Variants in TMTC2 observed in about 807,000 individuals in gnomAD.
TMTC2 encodes the protein transmembrane O-mannosyltransferase targeting cadherins 2.
Under a neutral mutation model 82.4 loss-of-function variants are expected in TMTC2, and 43 were observed. That is an observed-to-expected ratio of 0.52 (90% CI 0.41 to 0.67). The LOEUF (loss-of-function observed/expected upper bound fraction) is 0.67. Among genes scored for constraint, TMTC2 ranks in the 30% least tolerant of loss-of-function variants. TMTC2 has a pLI of 0.00. For missense variants in TMTC2, 919 were observed against 1,012.4 expected (o/e 0.91, Z 1.25); for synonymous variants, 408 against 381.9 (o/e 1.07, Z -0.80).
At chr12:82,716,425 G>A (rs939302370) in intron 1 of TMTC2, among the ~76,000 whole-genome samples, 4 of 150,014 alleles carry the variant, frequency 2.7e-5, no homozygotes, top group Admixed American at 1.3e-4. Flanking sequence ...GTGCAGTGGC[G>A]CGATCTCGAC....
At chr12:82,823,893 ATTTT>A (rs1225145231) in intron 1 of TMTC2, among the ~76,000 whole-genome samples, 2 of 136,310 alleles carry the variant, frequency 1.5e-5, no homozygotes, top group Admixed American at 1.5e-4. Flanking sequence ...CCATTATTCT[ATTTT>A]TTTTTTTTTT....
chr12:82,988,421 C>A (rs1879260021), intron 8 of TMTC2, among the ~76,000 whole-genome samples: 1 of 152,112 alleles, frequency 6.6e-6, no homozygotes, highest in Non-Finnish European at 1.5e-5. Flanking sequence ...AAATTGCAGC[C>A]AATGAATGGA....
chr12:82,881,725 C>T (rs2137156047), intron 2 of TMTC2, among the ~76,000 whole-genome samples: 1 of 152,284 alleles, frequency 6.6e-6, no homozygotes, highest in South Asian at 2.1e-4. Context: ...GAAAGTCACA[C>T]TTTTGATGAT....
Position 83,132,253 on chromosome 12 carries a change from A to G in TMTC2, c.2375A>G (p.Asn792Ser), listed in dbSNP as rs200371221. 3.4e-4 allele frequency: 544 copies of G among 1,613,610 alleles called. 1 individual carries two copies. The highest frequency in any genetic ancestry group is 4.4e-4 in the Non-Finnish European group (525 of 1,179,868). ...LMNLGAILHL[N>S]GRLQKAEANY... Reference sequence around the variant, plus strand: ...AACCTGGGAGCCATTCTGCACCTCAATGGCAGACTCCAGAAGGCCGAGGCC... The same window carrying G: ...AACCTGGGAGCCATTCTGCACCTCAGTGGCAGACTCCAGAAGGCCGAGGCC... The change falls in exon 12 of 12, where the codon AAT becomes AGT. Residue 792 changes from asparagine to serine, a missense_variant. Physicochemically the swap from Asn to Ser is conservative, Grantham distance 46. Coordinates refer to ENST00000321196, the MANE Select transcript of TMTC2 (RefSeq NM_152588.3).
At chr12:82,923,395 A>G (rs1565811783) in intron 3 of TMTC2, among the ~76,000 whole-genome samples, 2 of 152,044 alleles carry the variant, frequency 1.3e-5, no homozygotes, top group Admixed American at 1.3e-4. Flanking sequence ...AAGCACAGAC[A>G]CTTCTTTGTT....
At chr12:83,011,312 G>T (rs1261096779) in intron 8 of TMTC2, among the ~76,000 whole-genome samples, 2 of 152,078 alleles carry the variant, frequency 1.3e-5, no homozygotes, top group Non-Finnish European at 2.9e-5. Context: ...GTGATTTGGG[G>T]CAAGTTATTT....
intron 11 of TMTC2, among the ~76,000 whole-genome samples, chr12:83,086,558 A>T (rs1883665382): frequency 6.6e-6 from 1 of 152,148 alleles, no homozygotes; most frequent in African/African-American, 2.4e-5. Flanking sequence ...GTGAGGTATT[A>T]ATTAACAGCA....
chr12:82,925,042 T>C (rs1414749774), intron 3 of TMTC2, among the ~76,000 whole-genome samples: 1 of 152,170 alleles, frequency 6.6e-6, no homozygotes, highest in Non-Finnish European at 1.5e-5. Flanking sequence ...ATTTTTGCCT[T>C]AGATCCTTTG....
At chr12:82,824,745 A>AG (rs141899211) in intron 1 of TMTC2, among the ~76,000 whole-genome samples, 2,217 of 152,214 alleles carry the variant, frequency 0.015, 64 homozygotes, top group African/African-American at 0.051. Flanking sequence ...TAGTTAAGTA[A>AG]GGGGGAGGCT....
At chr12:83,034,635 G>A (rs1881589261) in intron 9 of TMTC2, among the ~76,000 whole-genome samples, 1 of 152,192 alleles carries the variant, frequency 6.6e-6, no homozygotes, top group South Asian at 2.1e-4. Context: ...GTAGTTGTGG[G>A]AATGTAAATA....
chr12:83,116,459 G>A (rs1015017563), intron 11 of TMTC2, among the ~76,000 whole-genome samples: 1 of 152,174 alleles, frequency 6.6e-6, no homozygotes. Flanking sequence ...ACCCACTAGT[G>A]GGATTGCTGG....
At chr12:82,747,832 G>T (rs1875769281) in intron 1 of TMTC2, among the ~76,000 whole-genome samples, 1 of 152,156 alleles carries the variant, frequency 6.6e-6, no homozygotes, top group Admixed American at 6.5e-5. Flanking sequence ...CCAGTAGCTT[G>T]TAGATAGTTC....
At chr12:83,033,830 GTGTA>G (rs1881549282) in intron 9 of TMTC2, among the ~76,000 whole-genome samples, 3 of 146,652 alleles carry the variant, frequency 2.0e-5, no homozygotes, top group African/African-American at 7.7e-5. Flanking sequence ...GTGTGTGTGT[GTGTA>G]TATATATGTA....
intron 11 of TMTC2, among the ~76,000 whole-genome samples, chr12:83,083,954 CT>C (rs1883561325): frequency 6.6e-6 from 1 of 152,206 alleles, no homozygotes; most frequent in African/African-American, 2.4e-5. Flanking sequence ...ATAATGTCGA[CT>C]TTTAACTCTT....
chr12:83,116,554 G>A (rs1233079192), intron 11 of TMTC2, among the ~76,000 whole-genome samples: 1 of 152,170 alleles, frequency 6.6e-6, no homozygotes, highest in Non-Finnish European at 1.5e-5. Context: ...ATTGTCACCA[G>A]CAGTGTAGAA....
intron 9 of TMTC2, among the ~76,000 whole-genome samples, chr12:83,039,441 A>AATATATTATATATTTGACAAAT (rs1555207623): frequency 2.6e-5 from 4 of 151,884 alleles, no homozygotes; most frequent in African/African-American, 9.7e-5. Context: ...ATATTTGATG[A>AATATATTATATATTTGACAAAT]ATATATTATA....
intron 2 of TMTC2, among the ~76,000 whole-genome samples, chr12:82,887,011 TG>T (rs1439707173): frequency 6.6e-6 from 1 of 152,220 alleles, no homozygotes; most frequent in Non-Finnish European, 1.5e-5. Flanking sequence ...GCTAGATTTT[TG>T]TTATGTCTGG....
intron 1 of TMTC2, among the ~76,000 whole-genome samples, chr12:82,800,434 T>C (rs560870531): frequency 6.6e-6 from 1 of 152,296 alleles, no homozygotes; most frequent in South Asian, 2.1e-4. Context: ...TGGACAGTTG[T>C]TCTCAGCACT....
At chr12:82,973,475 A>G (rs931275276) in intron 7 of TMTC2, among the ~76,000 whole-genome samples, 1 of 152,288 alleles carries the variant, frequency 6.6e-6, no homozygotes, top group East Asian at 1.9e-4. Context: ...GAAATCATGA[A>G]TGTTTGGCTA....
Sources: gnomAD v4.1 joint callset for allele counts (sites outside exome capture counted in the v4.1 genomes callset) on GRCh38, gnomAD v4.1.1 for gene constraint, MANE v1.5 for transcripts, NCBI Gene and HGNC (gene_info 2026-07-23, HGNC 2026-07-21) for gene names.